The following SSH3 variants were observed in gnomAD, a reference collection of about 807,000 sequenced individuals.
The protein encoded by SSH3 is protein phosphatase Slingshot homolog 3.
Under a neutral mutation model 75.0 loss-of-function variants are expected in SSH3, and 67 were observed. The ratio of observed to expected loss-of-function variants is 0.89; its 90% CI spans 0.73 to 1.10. The LOEUF is 1.10. Among genes scored for constraint, SSH3 ranks in the 50% least tolerant of loss-of-function variants. SSH3 has a pLI of 0.00. For synonymous variants in SSH3, 318 were observed against 349.2 expected, an observed-to-expected ratio of 0.91 and a Z score of 1.00; for missense variants, 824 against 872.7, an observed-to-expected ratio of 0.94 and a Z score of 0.70.
chr11:67,311,817 C>T lies in SSH3; in HGVS notation c.1910C>T (p.Ser637Phe). The stretch of plus-strand genomic sequence containing the variant: ...GGGCAGGGAGAGCCCTGCATTTCCT[C>T]TACGCCCAGGTTCCGGAAGGTGGTG... ...GQGQGEPCIS[S>F]TPRFRKVVRQ... The change falls in exon 14 of 14, where the codon TCT (serine) becomes TTT (phenylalanine). Residue 637 changes from serine to phenylalanine, a missense_variant. Coordinates refer to ENST00000308127, the MANE Select transcript of SSH3 (RefSeq NM_017857.4). 6.2e-7 allele frequency: 1 copy of T among 1,613,408 alleles called. No homozygotes were observed. Among genetic ancestry groups the T allele is most frequent in the African/African-American group, 1.3e-5 (1 of 75,042 alleles).
At chr11:67,306,746 G>A in intron 3 of SSH3, 92 bp from the exon 4 acceptor site, 1 of 1,386,404 alleles carries the variant, frequency 7.2e-7, no homozygotes, top group Non-Finnish European at 9.6e-7. Context: ...AGAGGAAGGA[G>A]CAGGGTCAGC....
In SSH3 at chr11:67,311,707, C is replaced by T. The variant is rs769160400; in HGVS notation, c.1800C>T (p.Arg600=). The change falls in exon 14 of 14, where the codon CGC becomes CGT. Residue 600 remains arginine, a synonymous_variant. Transcript: ENST00000308127. ...GGCCTCAGCCTGCCCTGAAGTCCCG[C>T]CAGTCAGTGGTTACCCTCCAGGGCA... The part of the protein sequence containing the change: ...DRGPQPALKS[R]QSVVTLQGSA... 1 of 1,613,952 alleles carries T rather than the reference C, an allele frequency of 6.2e-7. No individual in the cohort carries two copies. The highest frequency in any genetic ancestry group is 8.5e-7 in the Non-Finnish European group (1 of 1,179,980).
In SSH3 at chr11:67,307,147, G is replaced by A. The variant is rs1385914507; in HGVS notation, c.536+34G>A. On this transcript the variant is annotated intron_variant, in intron 5 of 13. Coordinates refer to ENST00000308127, the MANE Select transcript of SSH3 (RefSeq NM_017857.4). This position sits in a 1 kb window ranked among gnomAD's most constrained non-coding sequence, Gnocchi z 4.2. ...TGGCAACTGGAGGTGGGGGCTGGAG[G>A]GTGGAATAACTGAGTGTGACGGATG... 3 of 1,609,946 alleles carry A rather than the reference G, an allele frequency of 1.9e-6. No individual in the cohort carries two copies. The highest frequency in any genetic ancestry group is 2.2e-5 in the East Asian group (1 of 44,834).
Position 67,307,799 on chromosome 11 carries a change from T to C in SSH3, c.792-47T>C, listed in dbSNP as rs768787141. 3.1e-6 allele frequency: 5 copies of C among 1,613,450 alleles called. No homozygotes were observed. Among genetic ancestry groups the C allele is most frequent in the African/African-American group, 1.3e-5 (1 of 74,792 alleles). On this transcript the variant is annotated intron_variant, in intron 7 of 13. Coordinates refer to ENST00000308127, the MANE Select transcript of SSH3 (RefSeq NM_017857.4). This position sits in a 1 kb window ranked among gnomAD's most constrained non-coding sequence, Gnocchi z 4.2. ...AGGCAGGATAATGCAGTGGGGGGCATGGTGGAGAGGGGAAAGGGCCCCTTG... is the reference window on the plus strand; with the variant it reads ...AGGCAGGATAATGCAGTGGGGGGCACGGTGGAGAGGGGAAAGGGCCCCTTG...
At chr11:67,310,919 G>C (rs1325729748) in intron 13 of SSH3, among the ~76,000 whole-genome samples, 1 of 152,202 alleles carries the variant, frequency 6.6e-6, no homozygotes, top group East Asian at 1.9e-4. Context: ...AAAGGATGGG[G>C]TGGGGAGGAG....
In SSH3 at chr11:67,309,845, T is replaced by C. The variant is rs767469985; in HGVS notation, c.1286T>C (p.Met429Thr). The C allele has an allele frequency of 2.1e-5, 34 of 1,613,382 alleles. No homozygotes were observed. The highest frequency in any genetic ancestry group is 2.9e-5 in the Non-Finnish European group (34 of 1,180,038). Residue 429 changes from methionine to threonine, a missense_variant, in exon 12 of 14, where the codon ATG (methionine) becomes ACG (threonine). Met to Thr is a moderately conservative substitution (Grantham distance 81, BLOSUM62 -1). Transcript: ENST00000308127. ...RSAATVLAYA[M>T]KQYECSLEQA... is the part of the protein sequence containing the mutation. Reference sequence around the variant, plus strand: ...GCGGCCACAGTGCTGGCCTATGCCATGAAGCAGTACGAATGCAGCCTGGAG... The same window carrying C: ...GCGGCCACAGTGCTGGCCTATGCCACGAAGCAGTACGAATGCAGCCTGGAG...
At chr11:67,303,999 TG>T in intron 1 of SSH3, 118 bp from the exon 2 acceptor site, 1 of 1,311,972 alleles carries the variant, frequency 7.6e-7, no homozygotes, top group Non-Finnish European at 1.0e-6. Context: ...TGGACTGGGG[TG>T]GGAAGACGAT....
chr11:67,309,555 G>A lies in SSH3; in HGVS notation c.1208+12G>A. ...ATTGAGGCTGCAAGGTCGGTCTCCTGGCTTTGCTGCCTGCCCCACTGTGGC... is the reference window on the plus strand; with the variant it reads ...ATTGAGGCTGCAAGGTCGGTCTCCTAGCTTTGCTGCCTGCCCCACTGTGGC... On this transcript the variant is annotated intron_variant, in intron 11 of 13. Transcript: ENST00000308127. 1.2e-6 allele frequency: 2 copies of A among 1,612,302 alleles called. No individual in the cohort carries two copies. The highest frequency in any genetic ancestry group is 2.2e-5 in the South Asian group (2 of 91,034).
intron 12 of SSH3, 25 bp downstream of exon 12, chr11:67,309,993 G>A (rs1861366464): frequency 1.2e-6 from 2 of 1,609,824 alleles, no homozygotes; most frequent in Non-Finnish European, 1.7e-6. Flanking sequence ...CGAGTGGCAG[G>A]GGGTGAGTAG....
In SSH3 at chr11:67,305,133, T is replaced by C. The variant is rs1348482434; in HGVS notation, c.339+126T>C. On this transcript the variant is annotated intron_variant, in intron 3 of 13. Transcript: ENST00000308127. ...GGGCAGGGGGCAGCCTGGGGAGTGT[T>C]GGGGTTACCCATATCCCAGTGACCC... 3.4e-6 allele frequency: 3 copies of C among 886,584 alleles called. No individual in the cohort carries two copies. The East Asian group carries it at 8.0e-5, about 24-fold the overall frequency. The allele number at this position is 886,584 out of a possible 1,614,324, so 54.9% of individuals were successfully genotyped here.
rs1395028413 is a variant in SSH3, at chr11:67,308,006, C to T, written c.885+67C>T. 21 of 1,604,728 alleles carry T rather than the reference C, an allele frequency of 1.3e-5. No homozygotes were observed. In the East Asian group the frequency reaches 4.0e-4, roughly 31 times the overall value. On this transcript the variant is annotated intron_variant, in intron 8 of 13. Transcript: ENST00000308127. The surrounding 1 kb of genome is among the most constrained non-coding windows in gnomAD (Gnocchi z 4.9). ...CTGCAAGCTTGCCTTTCCTGGGAGC[C>T]CTCCCCACCTTGCCTGTCTCCAGTC...
chr11:67,304,173 C>G lies in SSH3; in HGVS notation c.104+18C>G, dbSNP rs1039199555. The G allele has an allele frequency of 5.1e-6, 8 of 1,575,790 alleles. No individual in the cohort carries two copies. Among genetic ancestry groups the G allele is most frequent in the African/African-American group, 4.0e-5 (3 of 74,190 alleles). On this transcript the variant is annotated intron_variant, in intron 2 of 13. Transcript: ENST00000308127. ...CAGCGAAGGTGAGCGCCACCTCCCC[C>G]ACGCAGACACTTCCGTCTGCCCCGG...
chr11:67,309,740 G>T, intron 11 of SSH3, 28 bp from the exon 12 acceptor site: 2 of 1,610,032 alleles, frequency 1.2e-6, no homozygotes, highest in Non-Finnish European at 8.5e-7. Context: ...GGTGAGGGGA[G>T]GGTGCTGAAC....
intron 11 of SSH3, 68 bp downstream of exon 11, chr11:67,309,611 C>T: frequency 1.3e-6 from 2 of 1,586,208 alleles, no homozygotes; most frequent in Non-Finnish European, 1.7e-6. Flanking sequence ...CTCCTCCTGC[C>T]CACTCTGCCA....
In SSH3 at chr11:67,308,252, C is replaced by G; in HGVS notation, c.964C>G (p.Leu322Val). 1 of 1,614,138 alleles carries G rather than the reference C, an allele frequency of 6.2e-7. No individual in the cohort carries two copies. The highest frequency in any genetic ancestry group is 1.1e-5 in the South Asian group (1 of 91,086). Residue 322 changes from leucine to valine, a missense_variant, in exon 9 of 14, where the codon CTG becomes GTG. Leu to Val is a conservative substitution (Grantham distance 32). Transcript: ENST00000308127. The surrounding 1 kb of genome is among the most constrained non-coding windows in gnomAD (Gnocchi z 4.9). ...RDFIDNQMLL[L>V]VAQRDRASRI... is the part of the protein sequence containing the mutation. ...CTTCATCGACAACCAGATGCTGCTG[C>G]TGGTGGCACAGCGGGACCGAGCCTC... is the stretch of plus-strand genomic sequence containing the variant.
chr11:67,307,661 G>T lies in SSH3; in HGVS notation c.715G>T (p.Glu239Ter). 6.2e-7 allele frequency: 1 copy of T among 1,614,026 alleles called. No individual in the cohort carries two copies. Among genetic ancestry groups the T allele is most frequent in the Non-Finnish European group, 8.5e-7 (1 of 1,180,036 alleles). Residue 239 changes from glutamate (E) to a stop codon, truncating the protein, a stop_gained, in exon 7 of 14, where the codon GAA (glutamate) becomes TAA (stop). Coordinates refer to ENST00000308127, the MANE Select transcript of SSH3 (RefSeq NM_017857.4). LOFTEE classifies it high-confidence loss of function. The surrounding 1 kb of genome is among the most constrained non-coding windows in gnomAD (Gnocchi z 4.2). ...CCACTACCAGGAGAGACTGAACTCC[G>T]AACAGAGCTGCCTCAATGAGTGGAC... ...ASHYQERLNSEQSCLNEWTAM... is the reference protein window; with the variant it reads ...ASHYQERLNS
Position 67,309,756 on chromosome 11 carries a change from C to A in SSH3, c.1209-12C>A. The A allele has an allele frequency of 6.2e-7, 1 of 1,612,158 alleles. No homozygotes were observed. The highest frequency in any genetic ancestry group is 1.1e-5 in the South Asian group (1 of 91,072). On this transcript the variant is annotated splice_polypyrimidine_tract_variant and intron_variant, in intron 11 of 13. Transcript: ENST00000308127. ...GTGAGGGGAGGGTGCTGAACCTGGC[C>A]TGCTTCCACAGAGCACAGGGCACCC...
chr11:67,303,575 G>C lies in SSH3; in HGVS notation c.-51G>C. On this transcript the variant is annotated 5_prime_UTR_variant, in exon 1 of 14. Coordinates refer to ENST00000308127, the MANE Select transcript of SSH3 (RefSeq NM_017857.4). ...CGGGTCCAGGACTGTCCGCGGGGTT[G>C]AGGGAAGGGGCCGTGCCCGGTGCCA... 1 of 1,507,140 alleles carries C rather than the reference G, an allele frequency of 6.6e-7. No homozygotes were observed. The highest frequency in any genetic ancestry group is 8.8e-7 in the Non-Finnish European group (1 of 1,130,418). The allele number at this position is 1,507,140 out of a possible 1,614,324, so 93.4% of individuals were successfully genotyped here. A position where few individuals can be genotyped will look rare whatever the true frequency, so the allele number is the denominator to read the frequency against.
chr11:67,307,413 G>T lies in SSH3; in HGVS notation c.579G>T (p.Lys193Asn). The T allele has an allele frequency of 6.2e-7, 1 of 1,614,062 alleles. No individual in the cohort carries two copies. Among genetic ancestry groups the T allele is most frequent in the Non-Finnish European group, 8.5e-7 (1 of 1,180,030 alleles). Residue 193 changes from lysine to asparagine, a missense_variant, in exon 6 of 14, where the codon AAG (lysine) becomes AAT (asparagine). By Grantham distance (94) the Lys-to-Asn change is moderately conservative. Coordinates refer to ENST00000308127, the MANE Select transcript of SSH3 (RefSeq NM_017857.4). The surrounding 1 kb of genome is among the most constrained non-coding windows in gnomAD (Gnocchi z 4.2). ...VTSGGQSRIF[K>N]PISIQTMWAT... ...CTGGTGGGCAAAGCCGGATCTTCAA[G>T]CCCATCTCCATCCAGACCATGTGGT...
Sources: gnomAD v4.1 joint callset for allele counts (sites outside exome capture counted in the v4.1 genomes callset) on GRCh38, gnomAD v4.1.1 for gene constraint, Gnocchi (gnomAD v3.1) non-coding constraint, MANE v1.5 for transcripts, NCBI Gene and HGNC (gene_info 2026-07-23, HGNC 2026-07-21) for gene names.